The following SPIDR variants were observed in gnomAD, a reference collection of about 807,000 sequenced individuals.
SPIDR encodes DNA repair-scaffolding protein.
In SPIDR, 93 loss-of-function variants were observed where a neutral mutation model predicts 104.6. That is an observed-to-expected ratio of 0.89 (90% CI 0.75 to 1.06). SPIDR has a LOEUF of 1.06. Ranked by LOEUF, SPIDR falls within the 50% of genes least tolerant of loss-of-function variation. SPIDR has a pLI of 0.00. For synonymous variants in SPIDR, 431 were observed against 416.9 expected (o/e 1.03, Z -0.41); for missense variants, 1,154 against 1,111.2 (o/e 1.04, Z -0.55).
At chr8:47,417,633 T>C (rs1346688961) in intron 7 of SPIDR, among the ~76,000 whole-genome samples, 1 of 152,234 alleles carries the variant, frequency 6.6e-6, no homozygotes, top group Non-Finnish European at 1.5e-5. Flanking sequence ...TTTAATTAGA[T>C]CCCATTTGTC....
intron 10 of SPIDR, among the ~76,000 whole-genome samples, chr8:47,644,313 C>T (rs1215181697): frequency 2.6e-5 from 4 of 152,228 alleles, no homozygotes; most frequent in Non-Finnish European, 4.4e-5. Context: ...TGAACGGAAG[C>T]TGATGTCAGG....
At chr8:47,535,838 G>A (rs1328734618) in intron 8 of SPIDR, among the ~76,000 whole-genome samples, 1 of 151,976 alleles carries the variant, frequency 6.6e-6, no homozygotes, top group Non-Finnish European at 1.5e-5. Context: ...AAGGAAGGAT[G>A]CCCTTTTCAC....
chr8:47,339,965 C>T (rs1464867924), intron 5 of SPIDR, among the ~76,000 whole-genome samples: 1 of 151,860 alleles, frequency 6.6e-6, no homozygotes, highest in Non-Finnish European at 1.5e-5. Flanking sequence ...AGGCGTGAGC[C>T]ACCGCGCCTG....
intron 10 of SPIDR, among the ~76,000 whole-genome samples, chr8:47,664,743 CAA>C (rs771963348): frequency 3.1e-5 from 2 of 63,508 alleles, no homozygotes; most frequent in Non-Finnish European, 2.7e-5. Flanking sequence ...CCCATCTCTA[CAA>C]AAAAAAAAAA....
intron 2 of SPIDR, among the ~76,000 whole-genome samples, chr8:47,283,599 TTATC>T (rs1178200028): frequency 1.3e-5 from 2 of 152,214 alleles, no homozygotes; most frequent in African/African-American, 2.4e-5. Context: ...AAAAAATGCT[TTATC>T]TATGAAGCAC....
At chr8:47,268,611 G>A (rs375691862) in intron 1 of SPIDR, among the ~76,000 whole-genome samples, 3 of 152,002 alleles carry the variant, frequency 2.0e-5, no homozygotes, top group Non-Finnish European at 2.9e-5. Flanking sequence ...GCTGCTGCAC[G>A]TGGCTAATAT....
chr8:47,535,414 T>A (rs2086730813), intron 8 of SPIDR, among the ~76,000 whole-genome samples: 1 of 151,850 alleles, frequency 6.6e-6, no homozygotes, highest in Admixed American at 6.6e-5. Flanking sequence ...TAACTAATTC[T>A]ATGAGACCAG....
intron 5 of SPIDR, among the ~76,000 whole-genome samples, chr8:47,341,237 CTGACATATT>C: frequency 6.6e-6 from 1 of 152,206 alleles, no homozygotes; most frequent in Admixed American, 6.5e-5. Flanking sequence ...ATAACCTTTC[CTGACATATT>C]TGTCTATGCC....
chr8:47,631,778 C>T (rs1292462267), intron 10 of SPIDR, among the ~76,000 whole-genome samples: 1 of 152,188 alleles, frequency 6.6e-6, no homozygotes, highest in African/African-American at 2.4e-5. Context: ...ATGAAATTTA[C>T]TTTCTAACAA....
chr8:47,542,655 G>A (rs376796004), intron 8 of SPIDR, among the ~76,000 whole-genome samples: 2 of 152,092 alleles, frequency 1.3e-5, no homozygotes, highest in African/African-American at 2.4e-5. Context: ...TTGTAGATTC[G>A]CATGCAGTTG....
chr8:47,569,240 C>T (rs894082172), intron 8 of SPIDR, among the ~76,000 whole-genome samples: 3 of 151,990 alleles, frequency 2.0e-5, no homozygotes, highest in Middle Eastern at 3.4e-3. Context: ...ATATATACAC[C>T]TAACAAAGGT....
intron 7 of SPIDR, among the ~76,000 whole-genome samples, chr8:47,413,574 T>C (rs189974739): frequency 1.8e-4 from 27 of 152,366 alleles, no homozygotes; most frequent in Non-Finnish European, 3.4e-4. Context: ...GCTGATGTTA[T>C]TATAGCATTG....
At chr8:47,558,208 A>T (rs2091547399) in intron 8 of SPIDR, among the ~76,000 whole-genome samples, 1 of 152,176 alleles carries the variant, frequency 6.6e-6, no homozygotes, top group African/African-American at 2.4e-5. Context: ...TACTATGTTC[A>T]CTGTTGAGGT....
chr8:47,557,448 A>G (rs935597717), intron 8 of SPIDR, among the ~76,000 whole-genome samples: 6 of 152,348 alleles, frequency 3.9e-5, no homozygotes, highest in African/African-American at 1.4e-4. Flanking sequence ...GTCATATGGC[A>G]AAGTCTTTCA....
At chr8:47,384,733 C>T (rs1402727096) in intron 5 of SPIDR, among the ~76,000 whole-genome samples, 2 of 152,182 alleles carry the variant, frequency 1.3e-5, no homozygotes, top group Non-Finnish European at 2.9e-5. Context: ...TCCCTCTCAC[C>T]CTCTGGGCTG....
At chr8:47,327,203 A>G (rs1438722005) in intron 5 of SPIDR, among the ~76,000 whole-genome samples, 2 of 152,108 alleles carry the variant, frequency 1.3e-5, no homozygotes, top group East Asian at 1.9e-4. Context: ...GCTAATGATG[A>G]TGAGCACTGT....
intron 10 of SPIDR, among the ~76,000 whole-genome samples, chr8:47,602,316 T>A (rs1311084380): frequency 1.3e-5 from 2 of 152,208 alleles, no homozygotes; most frequent in African/African-American, 4.8e-5. Context: ...CAGTGACCCC[T>A]TTCAACTAAA....
intron 8 of SPIDR, among the ~76,000 whole-genome samples, chr8:47,566,943 G>A (rs1354564895): frequency 6.6e-6 from 1 of 152,116 alleles, no homozygotes; most frequent in African/African-American, 2.4e-5. Flanking sequence ...GGGAAGCAAG[G>A]TTTTATTTAT....
At chr8:47,392,568 A>G (rs1243036544) in intron 5 of SPIDR, among the ~76,000 whole-genome samples, 1 of 152,212 alleles carries the variant, frequency 6.6e-6, no homozygotes, top group Non-Finnish European at 1.5e-5. Context: ...GCTTAAGCCA[A>G]AGGTACCTAA....
Sources: allele counts gnomAD v4.1 joint callset (sites outside exome capture counted in the v4.1 genomes callset), GRCh38; gene constraint gnomAD v4.1.1; transcripts MANE v1.5; gene names NCBI Gene and HGNC (gene_info 2026-07-23, HGNC 2026-07-21).